Variants in EFCAB11 observed in about 807,000 individuals in gnomAD.
EFCAB11 encodes the protein EF-hand calcium-binding domain-containing protein 11.
A neutral mutation model predicts 23.0 loss-of-function variants in EFCAB11; 14 were observed. The ratio of observed to expected loss-of-function variants is 0.61; its 90% CI spans 0.40 to 0.95. The LOEUF (loss-of-function observed/expected upper bound fraction) is 0.95. EFCAB11 is among the 40% of genes least tolerant of loss of function. EFCAB11 has a pLI of 0.00. For missense variants in EFCAB11, 198 were observed against 195.8 expected, an observed-to-expected ratio of 1.01 and a Z score of -0.07; for synonymous variants, 65 against 66.6, an observed-to-expected ratio of 0.98 and a Z score of 0.11.
chr14:89,841,148 A>G (rs1178531858), intron 5 of EFCAB11, among the ~76,000 whole-genome samples: 1 of 152,018 alleles, frequency 6.6e-6, no homozygotes, highest in Non-Finnish European at 1.5e-5. Flanking sequence ...TGCTAGTTAA[A>G]CTATCATACA....
intron 5 of EFCAB11, among the ~76,000 whole-genome samples, chr14:89,863,012 C>T (rs1360627185): frequency 1.3e-5 from 2 of 152,076 alleles, no homozygotes; most frequent in South Asian, 4.1e-4. Context: ...TAATGTGCAT[C>T]TTCTATGTGC....
chr14:89,893,783 A>AC (rs1889063852), intron 5 of EFCAB11, among the ~76,000 whole-genome samples: 1 of 148,256 alleles, frequency 6.7e-6, no homozygotes. Context: ...TCTCCAAAAA[A>AC]AAAAAACAAA....
intron 5 of EFCAB11, among the ~76,000 whole-genome samples, chr14:89,866,154 A>G (rs747824179): frequency 8.5e-5 from 13 of 152,148 alleles, no homozygotes; most frequent in Non-Finnish European, 1.6e-4. Flanking sequence ...TGTGTTTTAA[A>G]GGAGATGAAG....
At chr14:89,940,871 A>G (rs1054134978) in intron 3 of EFCAB11, among the ~76,000 whole-genome samples, 27 of 152,252 alleles carry the variant, frequency 1.8e-4, no homozygotes, top group African/African-American at 6.3e-4. Flanking sequence ...AGCTTTTAGC[A>G]TAAAGAAAAG....
chr14:89,798,587 T>C (rs901561962), intron 5 of EFCAB11, among the ~76,000 whole-genome samples: 5 of 152,258 alleles, frequency 3.3e-5, no homozygotes, highest in Non-Finnish European at 7.3e-5. Flanking sequence ...CTTTCCACTC[T>C]GAACTGGTAT....
At chr14:89,866,007 ACTCCTGAG>A (rs1290265952) in intron 5 of EFCAB11, among the ~76,000 whole-genome samples, 1 of 149,198 alleles carries the variant, frequency 6.7e-6, no homozygotes, top group Non-Finnish European at 1.5e-5. Flanking sequence ...CTGGTCTAAA[ACTCCTGAG>A]CTCAAGTGAT....
At position 89,953,917 on chromosome 14, in the gene EFCAB11, T is replaced by G. The variant is rs1596475576; in HGVS notation, c.160A>C (p.Lys54Gln). The change falls in exon 2 of 6, where the codon AAG (lysine) becomes CAG (glutamine). Residue 54 changes from lysine (K) to glutamine (Q), a missense_variant. Transcript: ENST00000316738. ...KTAVVMLFGYKPSKIEVDSVM... is the reference protein window; with the variant it reads ...KTAVVMLFGYQPSKIEVDSVM... Reference sequence around the variant, plus strand: ...TAAGAAAGCTCTACCTTGGAGGGCTTGTACCCAAACAGCATTACAACAGCA... The same window carrying G: ...TAAGAAAGCTCTACCTTGGAGGGCTGGTACCCAAACAGCATTACAACAGCA... 6.2e-7 allele frequency: 1 copy of G among 1,613,546 alleles called. No individual in the cohort carries two copies. The highest frequency in any genetic ancestry group is 8.5e-7 in the Non-Finnish European group (1 of 1,179,914).
rs1190589097 is a variant in EFCAB11, at chr14:89,797,237, C to A, written c.*6G>T. On this transcript the variant is annotated 3_prime_UTR_variant, in exon 6 of 6. Transcript: ENST00000316738. ...CCCCAGAGTTACCAAAAGTAGTTCA[C>A]AATAGTTAGGCTTCCTTCTGTCCAT... 2 of 1,612,516 alleles carry A rather than the reference C, an allele frequency of 1.2e-6. No homozygotes were observed. Among genetic ancestry groups the A allele is most frequent in the South Asian group, 1.1e-5 (1 of 91,044 alleles).
chr14:89,808,423 T>C (rs1162892928), intron 5 of EFCAB11, among the ~76,000 whole-genome samples: 2 of 152,164 alleles, frequency 1.3e-5, no homozygotes, highest in African/African-American at 2.4e-5. Flanking sequence ...GATTTTTTTT[T>C]CCATTAAATG....
chr14:89,836,346 A>T (rs1316015778), intron 5 of EFCAB11: 1 of 337,034 alleles, frequency 3.0e-6, no homozygotes, highest in Non-Finnish European at 5.9e-6. Context: ...GCTCATACCC[A>T]TTACCTTTTA....
intron 5 of EFCAB11, among the ~76,000 whole-genome samples, chr14:89,842,027 G>T (rs1208189455): frequency 1.3e-5 from 2 of 152,130 alleles, no homozygotes; most frequent in African/African-American, 2.4e-5. Context: ...CCCTCTGCTG[G>T]TGAACAGTAT....
At chr14:89,896,432 T>C (rs1358452303) in intron 5 of EFCAB11, among the ~76,000 whole-genome samples, 1 of 151,930 alleles carries the variant, frequency 6.6e-6, no homozygotes, top group African/African-American at 2.4e-5. Context: ...AGGATGCCCA[T>C]CAACAGAATA....
At chr14:89,930,468 A>C (rs1334597258) in intron 5 of EFCAB11, among the ~76,000 whole-genome samples, 1 of 152,188 alleles carries the variant, frequency 6.6e-6, no homozygotes, top group Non-Finnish European at 1.5e-5. Context: ...TCCCCCTTGC[A>C]GCTGTGCATG....
intron 5 of EFCAB11, among the ~76,000 whole-genome samples, chr14:89,898,400 T>C (rs1889237201): frequency 6.6e-6 from 1 of 152,202 alleles, no homozygotes; most frequent in South Asian, 2.1e-4. Flanking sequence ...GGTCTTGCTC[T>C]GTTGAACAGG....
At chr14:89,950,069 T>C (rs1596472816) in intron 3 of EFCAB11, 28 bp downstream of exon 3, 15 of 1,519,680 alleles carry the variant, frequency 9.9e-6, no homozygotes, top group Non-Finnish European at 1.3e-5. Context: ...AATAAGGTAC[T>C]AAAAATTAAT....
intron 5 of EFCAB11, among the ~76,000 whole-genome samples, chr14:89,920,899 T>A (rs1596455086): frequency 6.6e-6 from 1 of 152,142 alleles, no homozygotes; most frequent in South Asian, 2.1e-4. Flanking sequence ...ACCCCATCTC[T>A]ACTATAAATA....
At chr14:89,911,771 G>A (rs1366385358) in intron 5 of EFCAB11, among the ~76,000 whole-genome samples, 1 of 152,158 alleles carries the variant, frequency 6.6e-6, no homozygotes, top group East Asian at 1.9e-4. Flanking sequence ...TTATTCTCTA[G>A]GTCAGAGCAC....
chr14:89,877,826 A>G (rs1460106691), intron 5 of EFCAB11, among the ~76,000 whole-genome samples: 1 of 152,322 alleles, frequency 6.6e-6, no homozygotes, highest in East Asian at 1.9e-4. Flanking sequence ...ATATTAAGAC[A>G]TTGGATAACT....
At chr14:89,936,494 A>ATGTG (rs1890587820) in intron 3 of EFCAB11, among the ~76,000 whole-genome samples, 1 of 152,244 alleles carries the variant, frequency 6.6e-6, no homozygotes, top group Non-Finnish European at 1.5e-5. Flanking sequence ...ATTACTCCGT[A>ATGTG]TGTGTAATCA....
Sources: allele counts gnomAD v4.1 joint callset (sites outside exome capture counted in the v4.1 genomes callset), GRCh38; gene constraint gnomAD v4.1.1; transcripts MANE v1.5; gene names NCBI Gene and HGNC (gene_info 2026-07-23, HGNC 2026-07-21).